CNNM2: variants seen among roughly 807,000 people sequenced by gnomAD.
CNNM2 encodes the protein metal transporter CNNM2.
CNNM2 carries 12 observed loss-of-function variants against 66.9 expected under a neutral mutation model. The observed-to-expected ratio is 0.18, with a 90% CI of 0.11 to 0.29. CNNM2 has a LOEUF of 0.29. Ranked by LOEUF, CNNM2 falls within the 10% of genes least tolerant of loss-of-function variation. The probability of loss-of-function intolerance (pLI) is 1.00; values close to 1 mark genes in which losing one functional copy is unlikely to be tolerated. For missense variants in CNNM2, 705 were observed against 1,167.7 expected (o/e 0.60, Z 5.77); for synonymous variants, 557 against 501.8 (o/e 1.11, Z -1.47).
intron 1 of CNNM2, among the ~76,000 whole-genome samples, chr10:103,035,673 A>G (rs2064923780): frequency 6.6e-6 from 1 of 152,208 alleles, no homozygotes; most frequent in Admixed American, 6.5e-5. Context: ...TGGCTAAAGT[A>G]TCTGGCAGCA....
intron 1 of CNNM2, among the ~76,000 whole-genome samples, chr10:102,980,213 G>A (rs1251704117): frequency 6.6e-6 from 1 of 152,124 alleles, no homozygotes; most frequent in Non-Finnish European, 1.5e-5. Context: ...AGAGTGCTGG[G>A]ATTACAGGTG....
intron 1 of CNNM2, among the ~76,000 whole-genome samples, chr10:103,006,594 T>A (rs1317155082): frequency 6.6e-6 from 1 of 152,130 alleles, no homozygotes; most frequent in Admixed American, 6.6e-5. Flanking sequence ...GGTTTTTTGG[T>A]TTTAAAATCA....
In CNNM2 at chr10:103,056,922, C is replaced by T; in HGVS notation, c.2031C>T (p.Tyr677=). The T allele has an allele frequency of 2.5e-6, 4 of 1,613,798 alleles. No homozygotes were observed. The highest frequency in any genetic ancestry group is 3.4e-6 in the Non-Finnish European group (4 of 1,179,840). Residue 677 remains tyrosine, a synonymous_variant, in exon 4 of 8, where the codon TAC becomes TAT. Transcript: ENST00000369878. ...AGAAAGCCCCCGAATACTACCTCTACCAGCGCAACAAGCCAGTAGACTACT... is the reference window on the plus strand; with the variant it reads ...AGAAAGCCCCCGAATACTACCTCTATCAGCGCAACAAGCCAGTAGACTACT... The part of the protein sequence containing the change: ...KNKKAPEYYL[Y]QRNKPVDYFV...
At chr10:103,067,217 C>T (rs897390066) in intron 4 of CNNM2, among the ~76,000 whole-genome samples, 2 of 151,574 alleles carry the variant, frequency 1.3e-5, no homozygotes, top group African/African-American at 4.9e-5. Context: ...GCTGAGACTA[C>T]AGGTGCACGC....
intron 1 of CNNM2, among the ~76,000 whole-genome samples, chr10:102,995,843 G>A (rs2063989393): frequency 6.6e-6 from 1 of 151,982 alleles, no homozygotes; most frequent in African/African-American, 2.4e-5. Context: ...CGGGAGTACA[G>A]GCATGCACCA....
intron 1 of CNNM2, among the ~76,000 whole-genome samples, chr10:102,984,611 C>T (rs924702119): frequency 2.0e-5 from 3 of 152,198 alleles, no homozygotes; most frequent in Non-Finnish European, 2.9e-5. Context: ...AGATATTTGA[C>T]AATCTAAGCC....
In CNNM2 at chr10:102,919,449, C is replaced by T. The variant is rs1240701075; in HGVS notation, c.969C>T (p.Asn323=). 1 of 1,611,774 alleles carries T rather than the reference C, an allele frequency of 6.2e-7. No homozygotes were observed. The highest frequency in any genetic ancestry group is 8.5e-7 in the Non-Finnish European group (1 of 1,180,036). The change falls in exon 1 of 8, where the codon AAC becomes AAT. Residue 323 remains asparagine (N), a synonymous_variant. Transcript: ENST00000369878. ...NYLLCSLLLG[N]VLVNTTLTIL... ...TGCTGTGCTCACTGCTGCTGGGCAACGTGCTGGTCAACACCACGCTCACCA... is the reference window on the plus strand; with the variant it reads ...TGCTGTGCTCACTGCTGCTGGGCAATGTGCTGGTCAACACCACGCTCACCA...
rs571479231 is a variant in CNNM2 at position 103,055,339 on chromosome 10, A to G, written c.1903+873A>G. ...TTAAAAGAAGGCTAGCCGCAACCAC[A>G]TGGTGGAATGCTGTTTAACTCTTTA... On this transcript the variant is annotated intron_variant, in intron 3 of 7. Coordinates refer to ENST00000369878, the MANE Select transcript of CNNM2 (RefSeq NM_017649.5). Among the ~76,000 whole-genome samples, 12 of 152,342 alleles carry G rather than the reference A, an allele frequency of 7.9e-5. No individual in the cohort carries two copies. The East Asian group carries it at 2.3e-3, about 29-fold the overall frequency.
rs934039170 is a variant in CNNM2, at chr10:103,079,896, C to A, written c.*2716C>A. 6.6e-6 allele frequency: 1 copy of A among 152,218 alleles called. No individual in the cohort carries two copies. The highest frequency in any genetic ancestry group is 2.4e-5 in the African/African-American group (1 of 41,434). 9.4% of individuals were successfully genotyped at this position (152,218 alleles called of 1,614,324 possible). A position where few individuals can be genotyped will look rare whatever the true frequency, so the allele number is the denominator to read the frequency against. ...ATTCCTCCTCCAGGCCCCATTTTCC[C>A]TCAGGAAACCAACCTCTCAGATGGT... On this transcript the variant is annotated 3_prime_UTR_variant, in exon 8 of 8. Transcript: ENST00000369878.
chr10:103,059,235 A>C (rs979319955), intron 4 of CNNM2, among the ~76,000 whole-genome samples: 1 of 152,126 alleles, frequency 6.6e-6, no homozygotes, highest in African/African-American at 2.4e-5. Context: ...TAGCCTCCCA[A>C]AGCACTGGGA....
chr10:103,032,111 C>T (rs928136267), intron 1 of CNNM2, among the ~76,000 whole-genome samples: 1 of 152,120 alleles, frequency 6.6e-6, no homozygotes, highest in Non-Finnish European at 1.5e-5. Context: ...GGACCCTATT[C>T]CCCTTGATCC....
chr10:103,070,064 G>A (rs2065549409), intron 5 of CNNM2, among the ~76,000 whole-genome samples: 1 of 152,170 alleles, frequency 6.6e-6, no homozygotes, highest in African/African-American at 2.4e-5. Context: ...TGCCCCAAAT[G>A]CCCCTTCTCA....
intron 1 of CNNM2, among the ~76,000 whole-genome samples, chr10:102,931,698 A>G (rs1338243055): frequency 6.6e-6 from 1 of 152,158 alleles, no homozygotes; most frequent in Non-Finnish European, 1.5e-5. Flanking sequence ...ATACACGGGA[A>G]TAGAATTGCT....
chr10:103,069,154 A>G (rs1001427270), intron 5 of CNNM2, among the ~76,000 whole-genome samples: 4 of 152,046 alleles, frequency 2.6e-5, no homozygotes, highest in African/African-American at 9.7e-5. Context: ...GTGTGATCAC[A>G]CTATTTCCTC....
Position 103,015,224 on chromosome 10 carries a change from G to A in CNNM2, c.1622-34483G>A, listed in dbSNP as rs138313407. Among the ~76,000 whole-genome samples the A allele has an allele frequency of 5.1e-3, 779 of 152,186 alleles. 1 individual carries two copies. The highest frequency in any genetic ancestry group is 7.4e-3 in the Non-Finnish European group (506 of 68,006). On this transcript the variant is annotated intron_variant, in intron 1 of 7. Coordinates refer to ENST00000369878, the MANE Select transcript of CNNM2 (RefSeq NM_017649.5). ...CATTTCGAACCTGCTATAGAGTTTT[G>A]GGGGTGGAGATTTAGGACTGGGTCA...
At chr10:103,036,635 C>G (rs1169570668) in intron 1 of CNNM2, among the ~76,000 whole-genome samples, 1 of 152,222 alleles carries the variant, frequency 6.6e-6, no homozygotes, top group African/African-American at 2.4e-5. Context: ...CTTAGTTATA[C>G]AACTACCTGC....
intron 1 of CNNM2, among the ~76,000 whole-genome samples, chr10:103,039,950 T>A (rs1470065850): frequency 6.6e-6 from 1 of 152,120 alleles, no homozygotes; most frequent in Non-Finnish European, 1.5e-5. Context: ...GTGGATCACC[T>A]GAGGTCAGGA....
chr10:103,049,667 T>C, intron 1 of CNNM2, 40 bp from the exon 2 acceptor site: 2 of 1,590,680 alleles, frequency 1.3e-6, no homozygotes, highest in Non-Finnish European at 8.6e-7. Flanking sequence ...ATTCAGAAAA[T>C]TCAGAAAGTC....
chr10:103,068,557 C>G (rs2065519256), intron 4 of CNNM2, 72 bp from the exon 5 acceptor site: 11 of 1,246,312 alleles, frequency 8.8e-6, no homozygotes, highest in Non-Finnish European at 1.3e-5. Context: ...TAAGGAAGGA[C>G]CAAATATTGT....
Sources: allele counts gnomAD v4.1 joint callset (sites outside exome capture counted in the v4.1 genomes callset), GRCh38; gene constraint gnomAD v4.1.1; transcripts MANE v1.5; gene names NCBI Gene and HGNC (gene_info 2026-07-23, HGNC 2026-07-21).